The following DLGAP1 variants were observed in gnomAD, a reference collection of about 807,000 sequenced individuals.
DLGAP1 encodes DLG associated protein 1.
Under a neutral mutation model 90.8 loss-of-function variants are expected in DLGAP1, and 11 were observed. The ratio of observed to expected loss-of-function variants is 0.12; its 90% CI spans 0.08 to 0.20. The LOEUF (loss-of-function observed/expected upper bound fraction) is 0.20. DLGAP1 is among the 10% of genes least tolerant of loss of function. The probability of loss-of-function intolerance (pLI) is 1.00; values close to 1 mark genes in which losing one functional copy is unlikely to be tolerated. For missense variants in DLGAP1, 1,050 were observed against 1,333.8 expected (o/e 0.79, Z 3.31); for synonymous variants, 558 against 540.7 (o/e 1.03, Z -0.44).
chr18:3,783,014 A>G (rs771492544), intron 5 of DLGAP1, among the ~76,000 whole-genome samples: 4 of 152,234 alleles, frequency 2.6e-5, no homozygotes, highest in Non-Finnish European at 5.9e-5. Context: ...TATTTCTCCA[A>G]AGAAAATATA....
chr18:4,413,106 T>C (rs2082815287), intron 1 of DLGAP1, among the ~76,000 whole-genome samples: 2 of 152,162 alleles, frequency 1.3e-5, no homozygotes, highest in African/African-American at 4.8e-5. Flanking sequence ...GAGACAGGCA[T>C]GGTGTTCAGA....
intron 1 of DLGAP1, among the ~76,000 whole-genome samples, chr18:4,334,230 C>G (rs932797623): frequency 2.0e-5 from 3 of 151,578 alleles, no homozygotes; most frequent in Non-Finnish European, 2.9e-5. Flanking sequence ...AAGATTGAAA[C>G]TCCATCAAAC....
In DLGAP1 at chr18:3,497,271, C is replaced by T. The variant is rs113504951; in HGVS notation, c.*1914G>A. ...GTATTCTTTTTAAAACTAGCAAATA[C>T]TTGAAGCTCAAAATCTCTGTATGCT... is the stretch of plus-strand genomic sequence containing the variant. On this transcript the variant is annotated 3_prime_UTR_variant, in exon 13 of 13. Coordinates refer to ENST00000315677, the MANE Select transcript of DLGAP1 (RefSeq NM_004746.4). 15 of 152,008 alleles carry T rather than the reference C, an allele frequency of 9.9e-5. No individual in the cohort carries two copies. The highest frequency in any genetic ancestry group is 3.4e-4 in the African/African-American group (14 of 41,362). The allele number at this position is 152,008 out of a possible 1,614,324, so 9.4% of individuals were successfully genotyped here.
At chr18:3,779,921 C>G (rs1384932498) in intron 5 of DLGAP1, among the ~76,000 whole-genome samples, 1 of 151,944 alleles carries the variant, frequency 6.6e-6, no homozygotes, top group African/African-American at 2.4e-5. Flanking sequence ...TTCCAAGTAG[C>G]TGGGAGGCGC....
At position 4,017,806 on chromosome 18, in the gene DLGAP1, T is replaced by A. The variant is rs531002931; in HGVS notation, c.-158-12605A>T. 7.7e-4 allele frequency among the ~76,000 whole-genome samples: 117 copies of A among 152,212 alleles called. 3 individuals are homozygous for A. In the East Asian group the frequency reaches 0.021, roughly 28 times the overall value. ...CAGTTATCAATGTTTGCTTTGCCGA[T>A]TAGTGAAACAATCTACCAGTAAGTC... On this transcript the variant is annotated intron_variant, in intron 2 of 12. Transcript: ENST00000315677.
intron 3 of DLGAP1, among the ~76,000 whole-genome samples, chr18:3,890,136 A>G (rs935449625): frequency 6.6e-5 from 10 of 152,244 alleles, no homozygotes; most frequent in African/African-American, 2.4e-4. Context: ...ACTGTGGTCT[A>G]CATCCAAGTG....
In DLGAP1 at chr18:3,730,000, T is replaced by G. The variant is rs535551822; in HGVS notation, c.1351-625A>C. ...ATATTTTCTGGCAAGATACTCACGT[T>G]TTGCACAAAAATAGACTAAACTCAG... On this transcript the variant is annotated intron_variant, in intron 6 of 12. Transcript: ENST00000315677. This position sits in a 1 kb window ranked among gnomAD's most constrained non-coding sequence, Gnocchi z 6.2. Among the ~76,000 whole-genome samples the G allele has an allele frequency of 1.3e-5, 2 of 152,312 alleles. No individual in the cohort carries two copies. Among genetic ancestry groups the G allele is most frequent in the African/African-American group, 4.8e-5 (2 of 41,560 alleles).
chr18:3,688,650 CACACACACACACACACA>C, intron 7 of DLGAP1, among the ~76,000 whole-genome samples: 1 of 140,292 alleles, frequency 7.1e-6, no homozygotes, highest in African/African-American at 3.2e-5. Context: ...CACACACACA[CACACACACACACACACA>C]CCCTACCAAA....
chr18:3,764,274 C>A (rs1028248049), intron 5 of DLGAP1, among the ~76,000 whole-genome samples: 2 of 152,218 alleles, frequency 1.3e-5, no homozygotes, highest in Admixed American at 6.5e-5. Context: ...CTCCCATAAG[C>A]ATGTCATCTA....
intron 1 of DLGAP1, among the ~76,000 whole-genome samples, chr18:4,220,018 A>G (rs1415992235): frequency 1.3e-5 from 2 of 152,088 alleles, no homozygotes; most frequent in African/African-American, 4.8e-5. Flanking sequence ...TCTATGAAAG[A>G]TGACATTGGA....
At chr18:4,320,497 A>G (rs574380475) in intron 1 of DLGAP1, among the ~76,000 whole-genome samples, 53 of 152,168 alleles carry the variant, frequency 3.5e-4, no homozygotes, top group Non-Finnish European at 6.8e-4. Context: ...TCTTAGCCAA[A>G]GCAGTAGCAA....
chr18:4,205,582 T>C (rs1040475489), intron 1 of DLGAP1, among the ~76,000 whole-genome samples: 5 of 152,166 alleles, frequency 3.3e-5, no homozygotes, highest in African/African-American at 1.2e-4. Flanking sequence ...AAAGTCAAAT[T>C]CCTGGGCTTC....
At chr18:3,741,070 C>T (rs1481491833) in intron 6 of DLGAP1, among the ~76,000 whole-genome samples, 21 of 125,294 alleles carry the variant, frequency 1.7e-4, no homozygotes, top group East Asian at 2.5e-4. Flanking sequence ...ACCACCACCA[C>T]CACCACCACC....
At chr18:3,868,122 A>G (rs2070518836) in intron 4 of DLGAP1, among the ~76,000 whole-genome samples, 1 of 152,192 alleles carries the variant, frequency 6.6e-6, no homozygotes, top group Non-Finnish European at 1.5e-5. Flanking sequence ...TTTTTGACTA[A>G]AAGTGTCTGC....
chr18:4,370,260 A>G (rs1436034844), intron 1 of DLGAP1, among the ~76,000 whole-genome samples: 2 of 152,196 alleles, frequency 1.3e-5, no homozygotes, highest in African/African-American at 4.8e-5. Context: ...GATCCAGATC[A>G]GGGCAAGGGA....
intron 1 of DLGAP1, among the ~76,000 whole-genome samples, chr18:4,314,033 G>GC (rs2080466941): frequency 6.6e-6 from 1 of 152,158 alleles, no homozygotes; most frequent in Admixed American, 6.5e-5. Flanking sequence ...AAATATTGAA[G>GC]CCCCACAAGA....
intron 8 of DLGAP1, among the ~76,000 whole-genome samples, chr18:3,571,984 A>G (rs1430829497): frequency 6.6e-6 from 1 of 151,576 alleles, no homozygotes; most frequent in Non-Finnish European, 1.5e-5. Context: ...TTGATAATAT[A>G]TAGATAAGTT....
chr18:4,339,904 A>C (rs1327430689), intron 1 of DLGAP1, among the ~76,000 whole-genome samples: 2 of 152,182 alleles, frequency 1.3e-5, no homozygotes, highest in African/African-American at 4.8e-5. Flanking sequence ...AAGATGTTTA[A>C]GTTTGGAATT....
intron 5 of DLGAP1, among the ~76,000 whole-genome samples, chr18:3,794,521 C>T (rs111896943): frequency 3.8e-4 from 58 of 152,352 alleles, no homozygotes; most frequent in African/African-American, 1.4e-3. Flanking sequence ...ACCCAGGATG[C>T]TGTCAGTCAG....
Sources: gnomAD v4.1 joint callset for allele counts (sites outside exome capture counted in the v4.1 genomes callset) on GRCh38, gnomAD v4.1.1 for gene constraint, Gnocchi (gnomAD v3.1) non-coding constraint, MANE v1.5 for transcripts, NCBI Gene and HGNC (gene_info 2026-07-23, HGNC 2026-07-21) for gene names.